LARP1B: variants seen among roughly 807,000 people sequenced by gnomAD.
LARP1B encodes la-related protein 1B.
LARP1B carries 76 observed loss-of-function variants against 114.2 expected under a neutral mutation model. The observed-to-expected ratio is 0.67, with a 90% CI of 0.55 to 0.81. LARP1B has a LOEUF of 0.81. Among genes scored for constraint, LARP1B ranks in the 30% least tolerant of loss-of-function variants. The pLI is 0.00. For missense variants in LARP1B, 1,014 were observed against 1,075.8 expected (o/e 0.94, Z 0.80); for synonymous variants, 345 against 348.0 (o/e 0.99, Z 0.10).
intron 8 of LARP1B, among the ~76,000 whole-genome samples, chr4:128,105,804 T>A (rs1413759072): frequency 1.3e-5 from 2 of 152,156 alleles, no homozygotes; most frequent in East Asian, 3.9e-4. Flanking sequence ...AGGCAGAGAA[T>A]TGCTTGAACT....
chr4:128,083,009 GTGATGATTCTTAACGAGCA>G (rs1771181026), intron 5 of LARP1B, among the ~76,000 whole-genome samples: 2 of 151,628 alleles, frequency 1.3e-5, no homozygotes, highest in Non-Finnish European at 2.9e-5. Context: ...TTAGGGAGTG[GTGATGATTCTTAACGAGCA>G]TGCTGCCTTC....
intron 11 of LARP1B, among the ~76,000 whole-genome samples, chr4:128,126,168 C>CTGGA (rs1349908233): frequency 6.9e-6 from 1 of 144,898 alleles, no homozygotes; most frequent in Non-Finnish European, 1.5e-5. Context: ...GTCACCCAGG[C>CTGGA]TGGAGTGCAG....
intron 1 of LARP1B, among the ~76,000 whole-genome samples, chr4:128,072,345 TGTACTG>T (rs1383617243): frequency 6.6e-6 from 1 of 152,098 alleles, no homozygotes; most frequent in Non-Finnish European, 1.5e-5. Context: ...TCAAAAAAGA[TGTACTG>T]GTATATAGTG....
chr4:128,094,405 T>TC (rs990586274), intron 7 of LARP1B, among the ~76,000 whole-genome samples: 1 of 148,542 alleles, frequency 6.7e-6, no homozygotes, highest in Admixed American at 6.7e-5. Flanking sequence ...TTTTTCTTTT[T>TC]TTTTTTTTTT....
intron 19 of LARP1B, among the ~76,000 whole-genome samples, chr4:128,209,098 G>T (rs1166097658): frequency 6.6e-6 from 1 of 152,064 alleles, no homozygotes; most frequent in Non-Finnish European, 1.5e-5. Context: ...GATAGCTCAG[G>T]CCCTAAAAAA....
In LARP1B at chr4:128,106,065, C is replaced by G. The variant is rs1434145923; in HGVS notation, c.814-1074C>G. 1.8e-4 allele frequency among the ~76,000 whole-genome samples: 27 copies of G among 151,048 alleles called. No individual in the cohort carries two copies. In the East Asian group the frequency reaches 5.1e-3, roughly 28 times the overall value. ...TTTGAGATGGAATCTTGCTCTGTCT[C>G]CAGGCTGGAGTCCAGTGGCGCCATC... On this transcript the variant is annotated intron_variant, in intron 8 of 19. Coordinates refer to ENST00000326639, the MANE Select transcript of LARP1B (RefSeq NM_018078.4).
intron 12 of LARP1B, among the ~76,000 whole-genome samples, chr4:128,176,459 AATTTTTGC>A (rs1218602487): frequency 1.3e-5 from 2 of 151,402 alleles, no homozygotes; most frequent in African/African-American, 2.4e-5. Context: ...ACGCCTGGCT[AATTTTTGC>A]ATTTTTAGTA....
At chr4:128,105,142 T>C (rs1781629946) in intron 8 of LARP1B, among the ~76,000 whole-genome samples, 1 of 152,060 alleles carries the variant, frequency 6.6e-6, no homozygotes, top group Admixed American at 6.6e-5. Context: ...ATGTTCACTG[T>C]GAGTTTTGAA....
At chr4:128,113,880 A>G (rs759352943) in intron 9 of LARP1B, among the ~76,000 whole-genome samples, 32 of 139,086 alleles carry the variant, frequency 2.3e-4, no homozygotes, top group Non-Finnish European at 4.4e-4. Context: ...TCCACCTCCC[A>G]GGTTCAAGCG....
chr4:128,081,500 T>C (rs1770415791), intron 4 of LARP1B, among the ~76,000 whole-genome samples: 1 of 151,962 alleles, frequency 6.6e-6, no homozygotes, highest in Non-Finnish European at 1.5e-5. Context: ...TAACATTGTT[T>C]CTTCTACGAA....
intron 9 of LARP1B, among the ~76,000 whole-genome samples, chr4:128,114,307 C>G (rs938133350): frequency 2.0e-5 from 3 of 152,130 alleles, no homozygotes; most frequent in Non-Finnish European, 4.4e-5. Flanking sequence ...TAGGAAGTGA[C>G]TCACATTGAT....
chr4:128,220,289 A>T lies in LARP1B; in HGVS notation n.849-66A>T, dbSNP rs935329174. ...TGTCACCACTTTCCTTTGTGTGTTT[A>T]ATCTTTTCCTTCAACTAATTTCTTG... On this transcript the variant is annotated intron_variant and non_coding_transcript_variant, in intron 6 of 7. Transcript: ENST00000503725. 10 of 547,918 alleles carry T rather than the reference A, an allele frequency of 1.8e-5. No individual in the cohort carries two copies. In the African/African-American group the frequency reaches 2.1e-4, roughly 11 times the overall value. The allele number at this position is 547,918 out of a possible 1,614,324, so 33.9% of individuals were successfully genotyped here. A position where few individuals can be genotyped will look rare whatever the true frequency, so the allele number is the denominator to read the frequency against.
intron 5 of LARP1B, among the ~76,000 whole-genome samples, chr4:128,085,192 T>G (rs190125177): frequency 6.6e-6 from 1 of 152,148 alleles, no homozygotes; most frequent in Non-Finnish European, 1.5e-5. Context: ...ATTACTTGGT[T>G]GAGGTAGTGT....
At chr4:128,153,224 C>T (rs1733727915) in intron 11 of LARP1B, among the ~76,000 whole-genome samples, 1 of 151,638 alleles carries the variant, frequency 6.6e-6, no homozygotes, top group African/African-American at 2.4e-5. Context: ...CTCAGCTGAT[C>T]CGCCTGCCTC....
At chr4:128,098,747 GTATATATA>G (rs1554010737) in intron 8 of LARP1B, among the ~76,000 whole-genome samples, 1 of 15,594 alleles carries the variant, frequency 6.4e-5, no homozygotes. Flanking sequence ...ATATGTATGT[GTATATATA>G]TATATATATA....
intron 9 of LARP1B, among the ~76,000 whole-genome samples, chr4:128,109,696 T>C (rs1783329481): frequency 6.6e-6 from 1 of 152,068 alleles, no homozygotes; most frequent in African/African-American, 2.4e-5. Context: ...TGTAATGTAG[T>C]GTTTTTCTTT....
At chr4:128,202,202 T>A (rs544786139) in intron 17 of LARP1B, among the ~76,000 whole-genome samples, 1 of 152,352 alleles carries the variant, frequency 6.6e-6, no homozygotes, top group African/African-American at 2.4e-5. Context: ...CTCTTCCTTA[T>A]GACTTTAATA....
intron 7 of LARP1B, chr4:128,220,471 A>T (rs1204479161): frequency 3.4e-6 from 1 of 293,704 alleles, no homozygotes; most frequent in Non-Finnish European, 5.0e-6. Flanking sequence ...GAGACCTCTT[A>T]CTCCATCTTG....
chr4:128,152,520 TA>T (rs1421854206), intron 11 of LARP1B, among the ~76,000 whole-genome samples: 3 of 151,818 alleles, frequency 2.0e-5, no homozygotes, highest in African/African-American at 7.2e-5. Context: ...GATTTTTATT[TA>T]TTTTTTATTT....
Sources: gnomAD v4.1 joint callset for allele counts (sites outside exome capture counted in the v4.1 genomes callset) on GRCh38, gnomAD v4.1.1 for gene constraint, MANE v1.5 for transcripts, NCBI Gene and HGNC (gene_info 2026-07-23, HGNC 2026-07-21) for gene names.